TCF12: variants seen among roughly 807,000 people sequenced by gnomAD.
TCF12 encodes the protein DNA-binding protein HTF4.
In TCF12, 45 loss-of-function variants were observed where a neutral mutation model predicts 86.0. The observed-to-expected ratio is 0.52, with a 90% CI of 0.41 to 0.67. The LOEUF is 0.67. TCF12 is among the 30% of genes least tolerant of loss of function. The pLI, the probability that TCF12 is intolerant of heterozygous loss-of-function variation, is 0.00. For missense variants in TCF12, 881 were observed against 859.9 expected (o/e 1.02, Z -0.31); for synonymous variants, 330 against 299.6 (o/e 1.10, Z -1.05).
intron 6 of TCF12, among the ~76,000 whole-genome samples, chr15:57,168,214 A>G (rs1038533197): frequency 6.6e-6 from 1 of 152,248 alleles, no homozygotes; most frequent in African/African-American, 2.4e-5. Context: ...CACTGTGGAA[A>G]TTCAAAAATG....
chr15:57,055,917 C>G (rs2067983115), intron 3 of TCF12, among the ~76,000 whole-genome samples: 1 of 151,944 alleles, frequency 6.6e-6, no homozygotes, highest in Non-Finnish European at 1.5e-5. Flanking sequence ...CTCATTATAC[C>G]TATGTTAGTC....
At chr15:57,033,400 A>C (rs1467765446) in intron 3 of TCF12, among the ~76,000 whole-genome samples, 1 of 152,180 alleles carries the variant, frequency 6.6e-6, no homozygotes, top group Non-Finnish European at 1.5e-5. Context: ...GTAACATGGA[A>C]TTTTTATTTT....
At chr15:57,058,891 G>T (rs930788438) in intron 3 of TCF12, among the ~76,000 whole-genome samples, 1 of 152,192 alleles carries the variant, frequency 6.6e-6, no homozygotes, top group East Asian at 1.9e-4. Flanking sequence ...CTTGGTGTTG[G>T]TTTTTTAGGT....
At position 57,287,492 on chromosome 15, in the gene TCF12, C is replaced by T. The variant is rs117199343; in HGVS notation, c.*1347C>T. 1,126 of 152,748 alleles carry T rather than the reference C, an allele frequency of 7.4e-3. 6 individuals are homozygous for T. Among genetic ancestry groups the T allele is most frequent in the Non-Finnish European group, 9.8e-3 (670 of 68,034 alleles). 9.5% of individuals were successfully genotyped at this position (152,748 alleles called of 1,614,324 possible). On this transcript the variant is annotated 3_prime_UTR_variant, in exon 21 of 21. Coordinates refer to ENST00000333725, the MANE Select transcript of TCF12 (RefSeq NM_207037.2). ...CTTGTCAGTCCATCTTAATACTGTT[C>T]ATTAAGGCACTCTCTGTCTCTAATC...
intron 12 of TCF12, among the ~76,000 whole-genome samples, chr15:57,241,172 A>T (rs1183770492): frequency 6.6e-6 from 1 of 151,784 alleles, no homozygotes; most frequent in African/African-American, 2.4e-5. Flanking sequence ...CGGCTCACTG[A>T]AACCTCCACC....
At chr15:56,953,893 T>C (rs1421047511) in intron 3 of TCF12, among the ~76,000 whole-genome samples, 10 of 149,732 alleles carry the variant, frequency 6.7e-5, no homozygotes, top group South Asian at 4.2e-4. Flanking sequence ...TTTTTTTTTT[T>C]CTCTATTTTT....
chr15:57,201,963 G>A (rs2057563096), intron 8 of TCF12, among the ~76,000 whole-genome samples: 1 of 152,086 alleles, frequency 6.6e-6, no homozygotes, highest in East Asian at 1.9e-4. Context: ...GGGAAAAAAA[G>A]GAAACATTTG....
Position 56,971,267 on chromosome 15 carries a change from C to CA in TCF12, c.148+50180dup, listed in dbSNP as rs1186816588. ...CGCGCAACTCCATCTCCACTAAAAA[C>CA]AAAAAAAAAAATTAGCTGGGCGTGG... is the stretch of plus-strand genomic sequence containing the variant. On this transcript the variant is annotated intron_variant, in intron 3 of 20. Transcript: ENST00000333725. Among the ~76,000 whole-genome samples, 401 of 142,144 alleles carry CA rather than the reference C, an allele frequency of 2.8e-3. 1 individual carries two copies. The highest frequency in any genetic ancestry group is 8.2e-3 in the African/African-American group (316 of 38,702). 93.3% of individuals were successfully genotyped at this position (142,144 alleles called of 152,430 possible).
chr15:57,104,021 CA>C (rs2049942599), intron 5 of TCF12, among the ~76,000 whole-genome samples: 1 of 151,620 alleles, frequency 6.6e-6, no homozygotes, highest in Non-Finnish European at 1.5e-5. Flanking sequence ...AACAAACAAA[CA>C]AAAAAACACT....
chr15:57,192,086 A>G (rs892378882), intron 6 of TCF12, 72 bp from the exon 7 acceptor site: 150 of 1,550,164 alleles, frequency 9.7e-5, no homozygotes, highest in Middle Eastern at 2.4e-4. Context: ...AATAATTCAG[A>G]AGTGATGAAA....
At chr15:57,215,725 T>G (rs1039687355) in intron 8 of TCF12, among the ~76,000 whole-genome samples, 9 of 152,302 alleles carry the variant, frequency 5.9e-5, no homozygotes, top group African/African-American at 2.2e-4. Flanking sequence ...AAATTTTCTT[T>G]CCAAAACTAT....
chr15:57,152,948 G>GA (rs140944399), intron 5 of TCF12, among the ~76,000 whole-genome samples: 27 of 149,144 alleles, frequency 1.8e-4, no homozygotes, highest in African/African-American at 2.7e-4. Flanking sequence ...ACCAGAGGCA[G>GA]AAAAAAAAAC....
chr15:56,950,655 A>G (rs1288987374), intron 3 of TCF12, among the ~76,000 whole-genome samples: 7 of 150,804 alleles, frequency 4.6e-5, no homozygotes, highest in South Asian at 2.1e-4. Context: ...TGTAATTCAT[A>G]TATCACAATT....
At chr15:57,207,217 A>G (rs137952448) in intron 8 of TCF12, among the ~76,000 whole-genome samples, 57 of 152,308 alleles carry the variant, frequency 3.7e-4, no homozygotes, top group African/African-American at 1.4e-3. Flanking sequence ...ATCATGTGTC[A>G]TGTTTCTGGT....
At chr15:57,077,712 G>A (rs1332020276) in intron 4 of TCF12, among the ~76,000 whole-genome samples, 2 of 148,340 alleles carry the variant, frequency 1.3e-5, no homozygotes, top group African/African-American at 2.5e-5. Context: ...GTTCACAGAC[G>A]TGAGCTACCA....
At chr15:57,066,915 C>T (rs562820321) in intron 4 of TCF12, among the ~76,000 whole-genome samples, 1 of 152,302 alleles carries the variant, frequency 6.6e-6, no homozygotes, top group African/African-American at 2.4e-5. Context: ...TTGCTATGTA[C>T]ACTATTTGCC....
chr15:56,918,390 G>C (rs1349628406), upstream of TCF12: 8 of 371,864 alleles, frequency 2.2e-5, no homozygotes, highest in Admixed American at 2.6e-4. Context: ...AGGCCCGGAC[G>C]AGGCTTCGTC....
Position 57,063,789 on chromosome 15 carries a change from G to A in TCF12, c.188G>A (p.Ser63Asn), listed in dbSNP as rs1376257694. Residue 63 changes from serine (S) to asparagine (N), a missense_variant, in exon 4 of 21, where the codon AGT becomes AAT. Physicochemically the swap from Ser to Asn is conservative, Grantham distance 46. Transcript: ENST00000333725. The stretch of plus-strand genomic sequence containing the variant: ...GGAGGTACAACATCTTGGGGAACAA[G>A]TGGTCAACCAAGTCCTTCCTATGAT... ...ERGGTTSWGTSGQPSPSYDSS... is the reference protein window; with the variant it reads ...ERGGTTSWGTNGQPSPSYDSS... The A allele has an allele frequency of 6.2e-7, 1 of 1,602,810 alleles. No individual in the cohort carries two copies.
chr15:57,209,842 C>T (rs549558462), intron 8 of TCF12, among the ~76,000 whole-genome samples: 6 of 152,268 alleles, frequency 3.9e-5, no homozygotes, highest in African/African-American at 1.2e-4. Flanking sequence ...CCTTACTTCA[C>T]TCTAGCCATA....
Sources: gnomAD v4.1 joint callset for allele counts (sites outside exome capture counted in the v4.1 genomes callset) on GRCh38, gnomAD v4.1.1 for gene constraint, MANE v1.5 for transcripts, NCBI Gene and HGNC (gene_info 2026-07-23, HGNC 2026-07-21) for gene names.